The following PRKG1 variants were observed in gnomAD, a reference collection of about 807,000 sequenced individuals.
The protein encoded by PRKG1 is protein kinase cGMP-dependent 1.
In PRKG1, 35 loss-of-function variants were observed where a neutral mutation model predicts 88.1. The ratio of observed to expected loss-of-function variants is 0.40; its 90% CI spans 0.30 to 0.53. PRKG1 has a LOEUF of 0.53. PRKG1 is among the 20% of genes least tolerant of loss of function. The pLI, the probability that PRKG1 is intolerant of heterozygous loss-of-function variation, is 0.59. For missense variants in PRKG1, 540 were observed against 839.8 expected, an observed-to-expected ratio of 0.64 and a Z score of 4.41; for synonymous variants, 303 against 292.5, an observed-to-expected ratio of 1.04 and a Z score of -0.37.
Position 50,991,681 on chromosome 10 carries a change from G to T in PRKG1, c.266+37G>T, listed in dbSNP as rs886759528. On this transcript the variant is annotated intron_variant, in intron 1 of 17. Transcript: ENST00000401604. The surrounding 1 kb of genome is among the most constrained non-coding windows in gnomAD (Gnocchi z 4.5). Reference sequence around the variant, plus strand: ...GGCCGTGGGCCCGGGCGCTCGTCCCGGCCCGCGGCGCAGAGGCTGGGGGCT... The same window carrying T: ...GGCCGTGGGCCCGGGCGCTCGTCCCTGCCCGCGGCGCAGAGGCTGGGGGCT... 7.2e-7 allele frequency: 1 copy of T among 1,396,530 alleles called. No homozygotes were observed. The highest frequency in any genetic ancestry group is 1.5e-5 in the African/African-American group (1 of 64,832). The allele number at this position is 1,396,530 out of a possible 1,614,324, so 86.5% of individuals were successfully genotyped here. A position where few individuals can be genotyped will look rare whatever the true frequency, so the allele number is the denominator to read the frequency against.
intron 2 of PRKG1, among the ~76,000 whole-genome samples, chr10:51,205,841 T>A (rs1481245818): frequency 6.6e-6 from 1 of 152,170 alleles, no homozygotes; most frequent in Non-Finnish European, 1.5e-5. Context: ...TTTGCATTTT[T>A]AAAAACCTGT....
chr10:51,970,964 T>C (rs1843701293), intron 5 of PRKG1, among the ~76,000 whole-genome samples: 1 of 151,572 alleles, frequency 6.6e-6, no homozygotes, highest in African/African-American at 2.4e-5. Context: ...TACTCTTGAC[T>C]ACTAGAATGG....
intron 10 of PRKG1, chr10:52,252,479 CAT>C (rs1841197628): frequency 6.6e-6 from 1 of 152,102 alleles, no homozygotes; most frequent in Admixed American, 6.6e-5. Flanking sequence ...CTCTGCTGAA[CAT>C]AGAGGAGTTC....
intron 2 of PRKG1, among the ~76,000 whole-genome samples, chr10:51,220,321 T>C (rs1056000515): frequency 6.6e-6 from 1 of 152,170 alleles, no homozygotes; most frequent in African/African-American, 2.4e-5. Context: ...CCACCTGATT[T>C]CTGACCTAAA....
intron 9 of PRKG1, among the ~76,000 whole-genome samples, chr10:52,211,860 T>C (rs1051276305): frequency 1.3e-5 from 2 of 152,094 alleles, no homozygotes; most frequent in Admixed American, 6.5e-5. Context: ...TCAGTTTCTA[T>C]ACTTAAAAAA....
chr10:51,744,873 A>G (rs926797871), intron 3 of PRKG1, among the ~76,000 whole-genome samples: 2 of 152,208 alleles, frequency 1.3e-5, no homozygotes, highest in South Asian at 2.1e-4. Context: ...CAAAACAGCT[A>G]CCATCGAAGT....
At chr10:51,760,536 A>G (rs1837993106) in intron 3 of PRKG1, among the ~76,000 whole-genome samples, 1 of 147,584 alleles carries the variant, frequency 6.8e-6, no homozygotes, top group African/African-American at 2.5e-5. Flanking sequence ...CAGTGGCACT[A>G]TCTCCGCTCA....
At chr10:51,382,055 G>GT (rs947824547) in intron 2 of PRKG1, among the ~76,000 whole-genome samples, 10 of 151,722 alleles carry the variant, frequency 6.6e-5, no homozygotes, top group Non-Finnish European at 1.3e-4. Flanking sequence ...GTTCTCTTCA[G>GT]TTTTTTTTCA....
chr10:51,922,724 T>C (rs1281014493), intron 5 of PRKG1, among the ~76,000 whole-genome samples: 1 of 151,988 alleles, frequency 6.6e-6, no homozygotes, highest in African/African-American at 2.4e-5. Flanking sequence ...CTATTATTGA[T>C]TTCTAATTTA....
chr10:51,127,206 C>G (rs1462625824), intron 1 of PRKG1, among the ~76,000 whole-genome samples: 3 of 152,100 alleles, frequency 2.0e-5, no homozygotes, highest in Admixed American at 6.6e-5. Flanking sequence ...TTTTTGCAAT[C>G]TATCCATCCA....
At chr10:51,305,515 T>C (rs1841013928) in intron 2 of PRKG1, among the ~76,000 whole-genome samples, 1 of 152,158 alleles carries the variant, frequency 6.6e-6, no homozygotes, top group South Asian at 2.1e-4. Flanking sequence ...TAAATAACTT[T>C]TTCCAGAAAA....
chr10:51,327,612 T>A (rs572576072), intron 2 of PRKG1, among the ~76,000 whole-genome samples: 2 of 152,200 alleles, frequency 1.3e-5, no homozygotes, highest in South Asian at 4.1e-4. Flanking sequence ...ATAGAGTATA[T>A]TTACAAAAGC....
At chr10:51,370,943 T>A (rs1842693221) in intron 2 of PRKG1, among the ~76,000 whole-genome samples, 1 of 152,160 alleles carries the variant, frequency 6.6e-6, no homozygotes, top group East Asian at 1.9e-4. Context: ...TTTGAGATCC[T>A]TCTTAATTTG....
rs148464580 is a variant in PRKG1 at position 51,500,108 on chromosome 10, G to T, written c.592+32272G>T. Among the ~76,000 whole-genome samples the T allele has an allele frequency of 9.5e-4, 144 of 152,216 alleles. 2 individuals carry two copies. The East Asian group carries it at 0.025, about 27-fold the overall frequency. Reference sequence around the variant, plus strand: ...ATTTATTTTTTTATTGTTCATGAAAGTGTTTTTTATTGTTCTAAGATTAGA... The same window carrying T: ...ATTTATTTTTTTATTGTTCATGAAATTGTTTTTTATTGTTCTAAGATTAGA... On this transcript the variant is annotated intron_variant, in intron 3 of 17. Coordinates refer to ENST00000373980, the MANE Select transcript of PRKG1 (RefSeq NM_006258.4).
At chr10:51,817,278 T>A (rs1458328073) in intron 4 of PRKG1, among the ~76,000 whole-genome samples, 2 of 152,068 alleles carry the variant, frequency 1.3e-5, no homozygotes, top group African/African-American at 4.8e-5. Flanking sequence ...ACATGTGCAA[T>A]GGTGGTTTGC....
chr10:52,025,828 A>G (rs1845321300), intron 5 of PRKG1, among the ~76,000 whole-genome samples: 1 of 151,816 alleles, frequency 6.6e-6, no homozygotes, highest in Non-Finnish European at 1.5e-5. Flanking sequence ...ACTTTAAAGT[A>G]GTTTGGAAAA....
At chr10:52,061,854 T>C (rs191891495) in intron 6 of PRKG1, among the ~76,000 whole-genome samples, 5 of 152,220 alleles carry the variant, frequency 3.3e-5, no homozygotes, top group Admixed American at 6.5e-5. Flanking sequence ...AAATGAGATG[T>C]GTCTTCAAAT....
intron 9 of PRKG1, among the ~76,000 whole-genome samples, chr10:52,197,678 A>G (rs535525417): frequency 1.3e-5 from 2 of 152,312 alleles, no homozygotes; most frequent in Non-Finnish European, 2.9e-5. Context: ...CACTTACACA[A>G]CTTCAGAGGT....
chr10:51,166,467 G>A (rs895999109), intron 2 of PRKG1, among the ~76,000 whole-genome samples: 26 of 151,978 alleles, frequency 1.7e-4, no homozygotes, highest in African/African-American at 3.6e-4. Context: ...GATTAATAGC[G>A]ATAACTATAG....
Sources: allele counts gnomAD v4.1 joint callset (sites outside exome capture counted in the v4.1 genomes callset), GRCh38; gene constraint gnomAD v4.1.1; non-coding constraint Gnocchi (gnomAD v3.1); transcripts MANE v1.5; gene names NCBI Gene and HGNC (gene_info 2026-07-23, HGNC 2026-07-21).